Variants in ATG5 observed in about 807,000 individuals in gnomAD.
ATG5 encodes autophagy related 5.
ATG5 carries 14 observed loss-of-function variants against 36.5 expected under a neutral mutation model. The ratio of observed to expected loss-of-function variants is 0.38; its 90% confidence interval spans 0.25 to 0.60. The LOEUF is 0.60. Ranked by LOEUF, ATG5 falls within the 20% of genes least tolerant of loss-of-function variation. The probability of loss-of-function intolerance (pLI) is 0.60; values close to 1 mark genes in which losing one functional copy is unlikely to be tolerated. For synonymous variants in ATG5, 95 were observed against 101.5 expected, an observed-to-expected ratio of 0.94 and a Z score of 0.38; for missense variants, 195 against 326.7, an observed-to-expected ratio of 0.60 and a Z score of 3.11.
chr6:106,254,893 T>C (rs1424488844), intron 5 of ATG5, among the ~76,000 whole-genome samples: 3 of 152,214 alleles, frequency 2.0e-5, no homozygotes, highest in Non-Finnish European at 1.5e-5. Flanking sequence ...ATGTTGCCTG[T>C]TGGAGTTATG....
intron 6 of ATG5, among the ~76,000 whole-genome samples, chr6:106,243,963 T>C (rs1438714735): frequency 1.5e-5 from 2 of 134,686 alleles, no homozygotes; most frequent in Non-Finnish European, 3.1e-5. Context: ...TGCCCAGGCT[T>C]GAGTGTAGTG....
intron 5 of ATG5, among the ~76,000 whole-genome samples, chr6:106,256,846 T>G (rs1778820285): frequency 6.6e-6 from 1 of 152,214 alleles, no homozygotes; most frequent in Non-Finnish European, 1.5e-5. Context: ...TACTGTAGAC[T>G]TTGTAAACAC....
At chr6:106,297,700 A>G (rs1373788920) in intron 3 of ATG5, among the ~76,000 whole-genome samples, 2 of 149,564 alleles carry the variant, frequency 1.3e-5, no homozygotes, top group African/African-American at 4.9e-5. Flanking sequence ...TCTCTAAATT[A>G]TTTGCAAAAT....
intron 6 of ATG5, among the ~76,000 whole-genome samples, chr6:106,210,501 T>C (rs1312249418): frequency 6.6e-6 from 1 of 152,242 alleles, no homozygotes; most frequent in Non-Finnish European, 1.5e-5. Context: ...AGTCTTTTAC[T>C]CTTCATACTT....
intron 2 of ATG5, among the ~76,000 whole-genome samples, chr6:106,315,591 T>C (rs547237209): frequency 1.3e-5 from 2 of 152,166 alleles, no homozygotes; most frequent in Non-Finnish European, 1.5e-5. Context: ...TAACATACAA[T>C]AGCTCAGTGA....
chr6:106,248,420 AT>A (rs960722049), intron 5 of ATG5, among the ~76,000 whole-genome samples, 176 bp from the exon 6 acceptor site: 5 of 152,222 alleles, frequency 3.3e-5, no homozygotes, highest in African/African-American at 9.6e-5. Context: ...TATAAAATTA[AT>A]TTTTTTCTAC....
intron 5 of ATG5, among the ~76,000 whole-genome samples, chr6:106,258,230 T>C (rs1778872618): frequency 7.4e-6 from 1 of 134,536 alleles, no homozygotes; most frequent in Non-Finnish European, 1.5e-5. Context: ...TAGCCAAGCA[T>C]TGGTGGTGTA....
At chr6:106,253,529 A>G (rs572855881) in intron 5 of ATG5, among the ~76,000 whole-genome samples, 107 of 152,344 alleles carry the variant, frequency 7.0e-4, no homozygotes, top group African/African-American at 2.5e-3. Context: ...CTACAAAGTA[A>G]GTGCCACAGT....
At chr6:106,192,191 A>G (rs1045977821) in intron 7 of ATG5, among the ~76,000 whole-genome samples, 1 of 152,060 alleles carries the variant, frequency 6.6e-6, no homozygotes. Context: ...TACTACAGAT[A>G]TATCATTTAA....
At chr6:106,203,875 G>GTA (rs1248573286) in intron 6 of ATG5, among the ~76,000 whole-genome samples, 1 of 152,296 alleles carries the variant, frequency 6.6e-6, no homozygotes, top group South Asian at 2.1e-4. Flanking sequence ...AATGACAGAG[G>GTA]TATACCTCAA....
intron 6 of ATG5, among the ~76,000 whole-genome samples, chr6:106,205,731 ATAACCTTC>A (rs1245695937): frequency 2.0e-5 from 3 of 152,198 alleles, no homozygotes; most frequent in Non-Finnish European, 4.4e-5. Context: ...TTATAAAGGT[ATAACCTTC>A]AACAATCTTT....
Position 106,293,032 on chromosome 6 carries a change from A to G in ATG5, c.311T>C (p.Phe104Ser). ...SALPWNITVH[F>S]KSFPEKDLLH... ...GAGAAATGCAATTTACTATACCTTA[A>G]AATGTACTGTGATGTTCCAAGGAAG... Residue 104 changes from phenylalanine (F) to serine (S), a missense_variant, in exon 4 of 8, where the codon TTT (phenylalanine) becomes TCT (serine). Coordinates refer to ENST00000369076, the MANE Select transcript of ATG5 (RefSeq NM_004849.4). 1 of 1,612,326 alleles carries G rather than the reference A, an allele frequency of 6.2e-7. No homozygotes were observed. The highest frequency in any genetic ancestry group is 8.5e-7 in the Non-Finnish European group (1 of 1,178,774).
At chr6:106,217,427 C>T (rs890335340) in intron 6 of ATG5, 2 of 152,162 alleles carry the variant, frequency 1.3e-5, no homozygotes, top group African/African-American at 2.4e-5. Flanking sequence ...AAATATGGGA[C>T]CATTAAAAAT....
chr6:106,198,847 T>C (rs934465656), intron 7 of ATG5, among the ~76,000 whole-genome samples: 1 of 151,584 alleles, frequency 6.6e-6, no homozygotes, highest in East Asian at 1.9e-4. Context: ...GGAGAAAATA[T>C]CTGCAAATTG....
intron 6 of ATG5, among the ~76,000 whole-genome samples, chr6:106,210,306 C>A (rs1776806414): frequency 6.6e-6 from 1 of 152,102 alleles, no homozygotes; most frequent in Non-Finnish European, 1.5e-5. Flanking sequence ...TACTGGAGAT[C>A]TTTAAAAGGC....
chr6:106,271,077 C>T (rs1028365630), intron 5 of ATG5, among the ~76,000 whole-genome samples: 6 of 152,186 alleles, frequency 3.9e-5, no homozygotes, highest in African/African-American at 1.4e-4. Flanking sequence ...TACATCTCAT[C>T]ACTCCCCTGC....
At chr6:106,242,997 T>C (rs1288901302) in intron 6 of ATG5, among the ~76,000 whole-genome samples, 1 of 152,208 alleles carries the variant, frequency 6.6e-6, no homozygotes, top group Non-Finnish European at 1.5e-5. Context: ...GAAATCAACA[T>C]TTCTGGAAAC....
intron 7 of ATG5, among the ~76,000 whole-genome samples, chr6:106,190,668 A>G (rs1242656532): frequency 6.6e-6 from 1 of 152,196 alleles, no homozygotes; most frequent in Non-Finnish European, 1.5e-5. Context: ...ACATAAAAAA[A>G]AAGTTACGTT....
intron 5 of ATG5, among the ~76,000 whole-genome samples, chr6:106,265,267 T>C (rs1389513190): frequency 6.7e-6 from 1 of 148,168 alleles, no homozygotes; most frequent in Admixed American, 6.7e-5. Context: ...GGGCATGACA[T>C]AATGGTAAAG....
Sources: allele counts gnomAD v4.1 joint callset (sites outside exome capture counted in the v4.1 genomes callset), GRCh38; gene constraint gnomAD v4.1.1; transcripts MANE v1.5; gene names NCBI Gene and HGNC (gene_info 2026-07-23, HGNC 2026-07-21).